Variants in GGTA1 observed in about 807,000 individuals in gnomAD.
The protein encoded by GGTA1 is inactive N-acetyllactosaminide alpha-1,3-galactosyltransferase.
Under a neutral mutation model 2.6 loss-of-function variants are expected in GGTA1, and 5 were observed. The ratio of observed to expected loss-of-function variants is 1.92; its 90% CI spans 1.00 to 4.04. The LOEUF is 4.04. Among genes scored for constraint, GGTA1 ranks in the 30% most tolerant of loss-of-function variants. GGTA1 has a pLI of 0.00. For missense variants in GGTA1, 50 were observed against 16.7 expected (o/e 2.99, Z -3.47); for synonymous variants, 17 against 5.0 (o/e 3.38, Z -3.19).
intron 1 of GGTA1, among the ~76,000 whole-genome samples, chr9:121,468,249 T>TA (rs1423307355): frequency 6.6e-6 from 1 of 152,216 alleles, no homozygotes; most frequent in African/African-American, 2.4e-5. Flanking sequence ...ACCTCCCACT[T>TA]ACGAGTGAGA....
chr9:121,447,091 T>C (rs2064855438), exon 8 of GGTA1: 1 of 152,592 alleles, frequency 6.6e-6, no homozygotes, highest in Admixed American at 6.5e-5. Context: ...TCTATGTCAT[T>C]TTTCTTGTCC....
At position 121,476,070 on chromosome 9, in the gene GGTA1, A is replaced by G. The variant is rs1193123976; in HGVS notation, c.-9-8139T>C. On this transcript the variant is annotated intron_variant, in intron 1 of 5. Coordinates refer to ENST00000481799, the MANE Select transcript of GGTA1 (RefSeq NM_001382585.1). This position sits in a 1 kb window ranked among gnomAD's most constrained non-coding sequence, Gnocchi z 4.6. ...TGTTAATGCCCCCCACACAGTACCT[A>G]TAATAATGATGATGCTTTTTAATGG... Among the ~76,000 whole-genome samples, 2 of 152,202 alleles carry G rather than the reference A, an allele frequency of 1.3e-5. No individual in the cohort carries two copies. The highest frequency in any genetic ancestry group is 2.1e-4 in the South Asian group (1 of 4,828).
chr9:121,448,117 C>T (rs1030211801), intron 7 of GGTA1, among the ~76,000 whole-genome samples: 1 of 152,204 alleles, frequency 6.6e-6, no homozygotes, highest in African/African-American at 2.4e-5. Context: ...GCCACATTCT[C>T]CAATATCAGC....
intron 1 of GGTA1, among the ~76,000 whole-genome samples, chr9:121,489,428 A>C (rs899627338): frequency 3.3e-5 from 5 of 152,156 alleles, no homozygotes; most frequent in African/African-American, 1.2e-4. Flanking sequence ...AAACTCCCGT[A>C]CACAAACCAT....
At chr9:121,491,469 T>C (rs1416036089) in intron 1 of GGTA1, among the ~76,000 whole-genome samples, 1 of 152,198 alleles carries the variant, frequency 6.6e-6, no homozygotes, top group Middle Eastern at 3.2e-3. Context: ...TGAAACTCTC[T>C]ACCCGGTTCC....
chr9:121,474,392 T>A (rs1238546122), intron 1 of GGTA1, among the ~76,000 whole-genome samples: 4 of 152,246 alleles, frequency 2.6e-5, no homozygotes, highest in Non-Finnish European at 5.9e-5. Context: ...CGTGTGCAGA[T>A]TATGCTAAAA....
At chr9:121,461,213 G>T (rs538835586) in intron 4 of GGTA1, 39 bp downstream of exon 4, 4 of 451,222 alleles carry the variant, frequency 8.9e-6, no homozygotes, top group Non-Finnish European at 1.8e-5. Context: ...CAAGCACCAG[G>T]CGGGTGGGCA....
intron 1 of GGTA1, among the ~76,000 whole-genome samples, chr9:121,490,106 A>G (rs1828845043): frequency 6.6e-6 from 1 of 152,152 alleles, no homozygotes; most frequent in Non-Finnish European, 1.5e-5. Context: ...GAATTTCTCT[A>G]GATTTTCTTG....
At chr9:121,461,694 G>A (rs1045796210) in intron 3 of GGTA1, among the ~76,000 whole-genome samples, 21 of 152,328 alleles carry the variant, frequency 1.4e-4, no homozygotes, top group African/African-American at 5.1e-4. Context: ...CCTCCAAAAA[G>A]TATAGTTAAT....
At chr9:121,495,953 A>T (rs992355645) in intron 1 of GGTA1, among the ~76,000 whole-genome samples, 8 of 152,240 alleles carry the variant, frequency 5.3e-5, no homozygotes, top group African/African-American at 1.9e-4. Context: ...GATAAGATGA[A>T]TGCTACAGAA....
At chr9:121,471,740 T>C (rs555075072) in intron 1 of GGTA1, among the ~76,000 whole-genome samples, 1 of 152,234 alleles carries the variant, frequency 6.6e-6, no homozygotes, top group Admixed American at 6.5e-5. Flanking sequence ...CTCTTCCCTC[T>C]AAGTACCATA....
At chr9:121,452,878 T>C (rs181262550), downstream of GGTA1, among the ~76,000 whole-genome samples, 30 of 152,306 alleles carry the variant, frequency 2.0e-4, no homozygotes, top group Admixed American at 1.8e-3. Context: ...TCATACCTTC[T>C]TACCTCTTCT....
intron 1 of GGTA1, among the ~76,000 whole-genome samples, chr9:121,482,669 T>C (rs1382286590): frequency 6.6e-6 from 1 of 152,310 alleles, no homozygotes; most frequent in East Asian, 1.9e-4. Context: ...CTCAGGAGGC[T>C]GAGGCAGGAG....
chr9:121,452,939 C>T (rs1056739672), downstream of GGTA1, among the ~76,000 whole-genome samples: 1 of 152,206 alleles, frequency 6.6e-6, no homozygotes, highest in South Asian at 2.1e-4. Flanking sequence ...ACTTTCCCAG[C>T]CCCTTCCTAA....
chr9:121,480,602 CG>C (rs1244990752), intron 1 of GGTA1, among the ~76,000 whole-genome samples: 4 of 152,102 alleles, frequency 2.6e-5, no homozygotes, highest in African/African-American at 9.7e-5. Flanking sequence ...ACTGGCCCCC[CG>C]GTCGCTCAGT....
intron 1 of GGTA1, among the ~76,000 whole-genome samples, chr9:121,475,519 C>G (rs1828491901): frequency 6.6e-6 from 1 of 152,142 alleles, no homozygotes. Flanking sequence ...TCCAGACCCC[C>G]TTCCTGTAAC....
rs911299000 is a variant in GGTA1 at position 121,489,731 on chromosome 9, G to A, written c.-10+9919C>T. Reference sequence around the variant, plus strand: ...CACTGCCAGCAGGCGTTCTGTGTTTGTGGGAAGCTGCATTCTTCGGGTGGC... The same window carrying A: ...CACTGCCAGCAGGCGTTCTGTGTTTATGGGAAGCTGCATTCTTCGGGTGGC... On this transcript the variant is annotated intron_variant, in intron 1 of 5. Transcript: ENST00000481799. Among the ~76,000 whole-genome samples, 36 of 152,210 alleles carry A rather than the reference G, an allele frequency of 2.4e-4. 1 individual carries two copies. The highest frequency in any genetic ancestry group is 1.3e-4 in the Admixed American group (2 of 15,282).
intron 5 of GGTA1, among the ~76,000 whole-genome samples, chr9:121,457,560 G>A (rs1451113183): frequency 1.3e-5 from 2 of 151,928 alleles, no homozygotes; most frequent in Non-Finnish European, 2.9e-5. Flanking sequence ...AATTAGCCGG[G>A]TGCAGTGGCG....
chr9:121,468,176 C>T (rs752374374), intron 1 of GGTA1, among the ~76,000 whole-genome samples: 1 of 152,192 alleles, frequency 6.6e-6, no homozygotes, highest in African/African-American at 2.4e-5. Context: ...CCTAGCCCCC[C>T]ATCCCCTGAC....
Sources: gnomAD v4.1 joint callset for allele counts (sites outside exome capture counted in the v4.1 genomes callset) on GRCh38, gnomAD v4.1.1 for gene constraint, Gnocchi (gnomAD v3.1) non-coding constraint, MANE v1.5 for transcripts, NCBI Gene and HGNC (gene_info 2026-07-23, HGNC 2026-07-21) for gene names.